The following ZNF831 variants were observed in gnomAD, a reference collection of about 807,000 sequenced individuals.
The protein encoded by ZNF831 is chromosome 20 open reading frame 174.
A neutral mutation model predicts 95.8 loss-of-function variants in ZNF831; 59 were observed. That is an observed-to-expected ratio of 0.62 (90% confidence interval 0.50 to 0.77). ZNF831 has a LOEUF of 0.77. ZNF831 is among the 30% of genes least tolerant of loss of function. ZNF831 has a pLI of 0.00. For synonymous variants in ZNF831, 961 were observed against 925.5 expected (o/e 1.04, Z -0.70); for missense variants, 2,205 against 2,164.0 (o/e 1.02, Z -0.38).
At chr20:59,218,168 A>G (rs1474311048) in intron 4 of ZNF831, among the ~76,000 whole-genome samples, 1 of 152,196 alleles carries the variant, frequency 6.6e-6, no homozygotes, top group Admixed American at 6.5e-5. Context: ...GAAGCCAGAG[A>G]GATGAATTTC....
chr20:59,151,717 T>A (rs1383015481), intron 2 of ZNF831, among the ~76,000 whole-genome samples: 1 of 152,216 alleles, frequency 6.6e-6, no homozygotes, highest in East Asian at 1.9e-4. Context: ...GTAGTAGTTT[T>A]AGCTAAGATT....
At chr20:59,212,210 A>G (rs1443840465) in intron 4 of ZNF831, among the ~76,000 whole-genome samples, 1 of 152,212 alleles carries the variant, frequency 6.6e-6, no homozygotes, top group Non-Finnish European at 1.5e-5. Flanking sequence ...ATTTTTAAAA[A>G]AGATGTTTAA....
rs2146595238 is a variant in ZNF831, at chr20:59,194,175, C to G, written c.3156C>G (p.Thr1052=). 3 of 1,590,832 alleles carry G rather than the reference C, an allele frequency of 1.9e-6. No homozygotes were observed. The highest frequency in any genetic ancestry group is 1.3e-5 in the African/African-American group (1 of 74,594). The change falls in exon 2 of 6, where the codon ACC becomes ACG. Residue 1052 remains threonine, a synonymous_variant. Transcript: ENST00000371030. ...ISAPGAPREA[T]SSPPTPTCEA... ...CACCAGGGGCTCCCAGGGAGGCTAC[C>G]TCCTCCCCGCCCACTCCAACGTGTG... is the stretch of plus-strand genomic sequence containing the variant.
chr20:59,124,778 G>A (rs767621188), intron 1 of ZNF831, among the ~76,000 whole-genome samples: 14 of 152,228 alleles, frequency 9.2e-5, no homozygotes, highest in African/African-American at 3.4e-4. Flanking sequence ...GGAATAAAAT[G>A]GCTCTTATCG....
intron 4 of ZNF831, among the ~76,000 whole-genome samples, chr20:59,215,488 A>G (rs767490031): frequency 1.3e-5 from 2 of 152,278 alleles, no homozygotes; most frequent in African/African-American, 2.4e-5. Flanking sequence ...AACTCTCTCA[A>G]TAACTAAACT....
At chr20:59,139,011 CTT>C (rs879822839) in intron 1 of ZNF831, among the ~76,000 whole-genome samples, 1 of 148,814 alleles carries the variant, frequency 6.7e-6, no homozygotes, top group Admixed American at 6.7e-5. Context: ...GTTTCCTTCT[CTT>C]TTTTTTTTGA....
chr20:59,160,882 C>T (rs1344138417), upstream of ZNF831: 2 of 151,276 alleles, frequency 1.3e-5, no homozygotes, highest in Non-Finnish European at 2.9e-5. Flanking sequence ...CCGAATGAGG[C>T]TTGCTCTTGG....
At chr20:59,248,653 T>C (rs1476770771) in intron 4 of ZNF831, among the ~76,000 whole-genome samples, 3 of 152,250 alleles carry the variant, frequency 2.0e-5, no homozygotes, top group Non-Finnish European at 4.4e-5. Flanking sequence ...CTTCATTGAA[T>C]TGAATGAATT....
chr20:59,212,859 TC>T (rs1433733636), intron 4 of ZNF831, among the ~76,000 whole-genome samples: 1 of 152,180 alleles, frequency 6.6e-6, no homozygotes, highest in Non-Finnish European at 1.5e-5. Context: ...TCCATGCCCT[TC>T]AGATTAATTT....
At position 59,238,721 on chromosome 20, in the gene ZNF831, T is replaced by C. The variant is rs114485813; in HGVS notation, c.4028-14257T>C. Among the ~76,000 whole-genome samples, 847 of 152,336 alleles carry C rather than the reference T, an allele frequency of 5.6e-3. 9 individuals are homozygous for C. The highest frequency in any genetic ancestry group is 0.019 in the African/African-American group (788 of 41,572). On this transcript the variant is annotated intron_variant, in intron 4 of 5. Coordinates refer to ENST00000371030, the MANE Select transcript of ZNF831 (RefSeq NM_178457.3). ...CCAGAAGCTATAATGAGCACCAAGA[T>C]GAGATCTTATATACAGGGTACATTT... is the stretch of plus-strand genomic sequence containing the variant.
rs1365476543 is a variant in ZNF831, at chr20:59,169,763, G to T, written c.-37+5556G>T. Among the ~76,000 whole-genome samples the T allele has an allele frequency of 6.6e-6, 1 of 152,074 alleles. No homozygotes were observed. Among genetic ancestry groups the T allele is most frequent in the Non-Finnish European group, 1.5e-5 (1 of 68,020 alleles). On this transcript the variant is annotated intron_variant, in intron 1 of 5. Coordinates refer to ENST00000371030, the MANE Select transcript of ZNF831 (RefSeq NM_178457.3). This position sits in a 1 kb window ranked among gnomAD's most constrained non-coding sequence, Gnocchi z 4.1. ...AAAAATACAAAAATTAGCCGGGCAT[G>T]ATGGCAGACACCTGTAATCCCAGCT...
At position 59,198,147 on chromosome 20, in the gene ZNF831, G is replaced by A. The variant is rs190416030; in HGVS notation, c.3875+2142G>A. Among the ~76,000 whole-genome samples, 752 of 152,254 alleles carry A rather than the reference G, an allele frequency of 4.9e-3. 3 individuals are homozygous for A. Among genetic ancestry groups the A allele is most frequent in the Non-Finnish European group, 8.7e-3 (589 of 68,012 alleles). The stretch of plus-strand genomic sequence containing the variant: ...AGGAAACTTTCTTAATCCAGGGTGA[G>A]GGTCCCAGACTGGAGCCCAGGAGGC... On this transcript the variant is annotated intron_variant, in intron 3 of 5. Transcript: ENST00000371030.
At chr20:59,212,959 G>A (rs2146653442) in intron 4 of ZNF831, among the ~76,000 whole-genome samples, 1 of 152,274 alleles carries the variant, frequency 6.6e-6, no homozygotes, top group African/African-American at 2.4e-5. Flanking sequence ...AAAGACCATT[G>A]GCAGCCTGCT....
chr20:59,210,856 CCCCCGTCTCTACT>C (rs1985257149), intron 4 of ZNF831, among the ~76,000 whole-genome samples: 2 of 141,144 alleles, frequency 1.4e-5, no homozygotes, highest in Non-Finnish European at 3.1e-5. Flanking sequence ...AAACCAAATC[CCCCCGTCTCTACT>C]AAAAATACAA....
In ZNF831 at chr20:59,210,482, T is replaced by C. The variant is rs1030896231; in HGVS notation, c.4027+3426T>C. 1.4e-4 allele frequency among the ~76,000 whole-genome samples: 22 copies of C among 152,250 alleles called. No homozygotes were observed. The East Asian group carries it at 4.1e-3, about 28-fold the overall frequency. The stretch of plus-strand genomic sequence containing the variant: ...GCCCTGAGCATGAGGCTGTGTCAGC[T>C]GCAGCAGGGACACCTGCTCCTCTCT... On this transcript the variant is annotated intron_variant, in intron 4 of 5. Coordinates refer to ENST00000371030, the MANE Select transcript of ZNF831 (RefSeq NM_178457.3).
At chr20:59,231,286 T>C (rs552008519) in intron 4 of ZNF831, among the ~76,000 whole-genome samples, 10 of 152,276 alleles carry the variant, frequency 6.6e-5, no homozygotes, top group South Asian at 6.2e-4. Flanking sequence ...GGATCAGAAA[T>C]AGGCAACTTG....
At chr20:59,247,132 A>C (rs752954293) in intron 4 of ZNF831, among the ~76,000 whole-genome samples, 1 of 152,212 alleles carries the variant, frequency 6.6e-6, no homozygotes, top group Non-Finnish European at 1.5e-5. Flanking sequence ...ACTTAAAGAA[A>C]ATTGGTTGAA....
chr20:59,227,212 A>C (rs980604987), intron 4 of ZNF831, among the ~76,000 whole-genome samples: 5 of 152,206 alleles, frequency 3.3e-5, no homozygotes, highest in African/African-American at 1.2e-4. Context: ...TTTCAGGCTA[A>C]TGTATCTTCC....
chr20:59,238,811 C>T (rs1325321466), intron 4 of ZNF831, among the ~76,000 whole-genome samples: 1 of 150,830 alleles, frequency 6.6e-6, no homozygotes, highest in East Asian at 2.0e-4. Context: ...CTCGTCCTCT[C>T]CCCCTTGTAT....
Sources: allele counts gnomAD v4.1 joint callset (sites outside exome capture counted in the v4.1 genomes callset), GRCh38; gene constraint gnomAD v4.1.1; non-coding constraint Gnocchi (gnomAD v3.1); transcripts MANE v1.5; gene names NCBI Gene and HGNC (gene_info 2026-07-23, HGNC 2026-07-21).